The following ANKRD30BL variants were observed in gnomAD, a reference collection of about 807,000 sequenced individuals.
The protein encoded by ANKRD30BL is putative ankyrin repeat domain-containing protein 30B-like.
ANKRD30BL carries 20 observed loss-of-function variants against 18.4 expected under a neutral mutation model. That is an observed-to-expected ratio of 1.09 (90% confidence interval 0.77 to 1.58). The LOEUF (loss-of-function observed/expected upper bound fraction) is 1.58, where lower values mean the gene tolerates loss of function less well. Among genes scored for constraint, ANKRD30BL ranks in the 40% most tolerant of loss-of-function variants. The pLI is 0.00. For missense variants in ANKRD30BL, 224 were observed against 268.6 expected, an observed-to-expected ratio of 0.83 and a Z score of 1.16; for synonymous variants, 72 against 100.9, an observed-to-expected ratio of 0.71 and a Z score of 1.72.
intron 1 of ANKRD30BL, among the ~76,000 whole-genome samples, chr2:132,252,032 A>T (rs1231665254): frequency 6.6e-6 from 1 of 152,238 alleles, no homozygotes; most frequent in Non-Finnish European, 1.5e-5. Flanking sequence ...TTGTTCCAGG[A>T]ATGCATCATT....
At chr2:132,187,165 G>A (rs920515858) in intron 1 of ANKRD30BL, among the ~76,000 whole-genome samples, 14 of 122,316 alleles carry the variant, frequency 1.1e-4, no homozygotes, top group African/African-American at 4.6e-4. Context: ...ATCGTAGGAA[G>A]TTTTTTGTTT....
At chr2:132,232,268 T>C (rs1282146961) in intron 1 of ANKRD30BL, among the ~76,000 whole-genome samples, 2 of 152,102 alleles carry the variant, frequency 1.3e-5, no homozygotes, top group Non-Finnish European at 2.9e-5. Flanking sequence ...AACTCTAAAA[T>C]GCAGAACACG....
At chr2:132,247,542 A>G (rs1204413253) in intron 1 of ANKRD30BL, among the ~76,000 whole-genome samples, 1 of 151,804 alleles carries the variant, frequency 6.6e-6, no homozygotes, top group Non-Finnish European at 1.5e-5. Flanking sequence ...GAATGCACAC[A>G]TTACAAAGTT....
At chr2:132,232,058 C>T (rs1203007926) in intron 1 of ANKRD30BL, among the ~76,000 whole-genome samples, 1 of 152,198 alleles carries the variant, frequency 6.6e-6, no homozygotes, top group Non-Finnish European at 1.5e-5. Context: ...CTGGGAGGCA[C>T]TCCCCAGCAG....
chr2:132,161,398 C>G, intron 1 of ANKRD30BL, 90 bp downstream of exon 1: 1 of 1,254,616 alleles, frequency 8.0e-7, no homozygotes, highest in African/African-American at 1.5e-5. Context: ...CTCCCCTCGT[C>G]CCCAGGACCC....
At chr2:132,188,236 C>A (rs1286889072) in intron 1 of ANKRD30BL, among the ~76,000 whole-genome samples, 1 of 152,076 alleles carries the variant, frequency 6.6e-6, no homozygotes, top group Non-Finnish European at 1.5e-5. Flanking sequence ...GCACTCTATA[C>A]CATTGCCAAA....
At chr2:132,207,721 G>A (rs949941281) in intron 1 of ANKRD30BL, among the ~76,000 whole-genome samples, 1 of 152,100 alleles carries the variant, frequency 6.6e-6, no homozygotes, top group African/African-American at 2.4e-5. Context: ...CCAGTCATAG[G>A]CAAATCTCTA....
At chr2:132,256,537 T>G (rs991572785) in intron 1 of ANKRD30BL, among the ~76,000 whole-genome samples, 1 of 152,140 alleles carries the variant, frequency 6.6e-6, no homozygotes, top group Non-Finnish European at 1.5e-5. Context: ...GTGCCTGGGG[T>G]CTCACCGCCA....
In ANKRD30BL at chr2:132,151,669, G is replaced by T. The variant is rs543657691; in HGVS notation, c.615-693C>A. Reference sequence around the variant, plus strand: ...TCATAGGTTATAATATTCAAATATTGCAATTTTCTGTTATTAATTCCTACT... The same window carrying T: ...TCATAGGTTATAATATTCAAATATTTCAATTTTCTGTTATTAATTCCTACT... On this transcript the variant is annotated intron_variant, in intron 4 of 5. Transcript: ENST00000409867. 2.1e-3 allele frequency among the ~76,000 whole-genome samples: 313 copies of T among 151,154 alleles called. 1 individual carries two copies. The highest frequency in any genetic ancestry group is 7.2e-3 in the African/African-American group (298 of 41,270).
In ANKRD30BL at chr2:132,154,648, A is replaced by AG. The variant is rs1687850699; in HGVS notation, c.614+13_614+14insC. ...CACTACTCAAGTGTTTTTTAATAAAAAAAACTACTATACCATTTAAACTTA... is the reference window on the plus strand; with the variant it reads ...CACTACTCAAGTGTTTTTTAATAAAAGAAAACTACTATACCATTTAAACTTA... On this transcript the variant is annotated intron_variant, in intron 4 of 5. Transcript: ENST00000409867. 1 of 663,308 alleles carries AG rather than the reference A, an allele frequency of 1.5e-6. No individual in the cohort carries two copies. The highest frequency in any genetic ancestry group is 2.8e-6 in the Non-Finnish European group (1 of 362,958). The allele number at this position is 663,308 out of a possible 1,614,324, so 41.1% of individuals were successfully genotyped here.
upstream of ANKRD30BL, among the ~76,000 whole-genome samples, chr2:132,164,275 T>TC (rs1009878348): frequency 1.3e-4 from 12 of 91,224 alleles, no homozygotes; most frequent in African/African-American, 5.2e-4. Flanking sequence ...TTTTCTTTTT[T>TC]TTTTTTTTTT....
rs753143134 is a variant in ANKRD30BL, at chr2:132,148,231, G to A, written c.680-3C>T. On this transcript the variant is annotated splice_polypyrimidine_tract_variant and splice_region_variant and intron_variant, in intron 5 of 5. Transcript: ENST00000409867. ...AGGTGTTCCTTCAGATGTTCCTTCT[G>A]CCAAACACAGAGTCTGGTTAAATTT... 13 of 1,601,180 alleles carry A rather than the reference G, an allele frequency of 8.1e-6. No homozygotes were observed. Among genetic ancestry groups the A allele is most frequent in the Non-Finnish European group, 1.1e-5 (13 of 1,174,668 alleles).
chr2:132,154,939 A>T (rs1687861742), intron 3 of ANKRD30BL, 171 bp from the exon 4 acceptor site: 1 of 464,740 alleles, frequency 2.2e-6, no homozygotes, highest in Non-Finnish European at 3.9e-6. Context: ...TCTTGTAAAC[A>T]TTCAGCCTCT....
intron 1 of ANKRD30BL, among the ~76,000 whole-genome samples, chr2:132,238,488 G>C (rs879228544): frequency 1.3e-5 from 2 of 152,112 alleles, no homozygotes; most frequent in African/African-American, 4.8e-5. Flanking sequence ...AAACTTCTTT[G>C]TGATGCTTAC....
intron 1 of ANKRD30BL, among the ~76,000 whole-genome samples, chr2:132,241,007 A>C (rs112857667): frequency 6.6e-6 from 1 of 151,332 alleles, no homozygotes; most frequent in African/African-American, 2.4e-5. Flanking sequence ...GAATATCTTC[A>C]CATAAAAACT....
chr2:132,176,265 C>T (rs1688365824), intron 1 of ANKRD30BL, among the ~76,000 whole-genome samples: 1 of 151,654 alleles, frequency 6.6e-6, no homozygotes, highest in African/African-American at 2.4e-5. Context: ...CACGGTGGTT[C>T]ACGCCTATAA....
At chr2:132,194,192 T>TCAA (rs1678918554) in intron 1 of ANKRD30BL, among the ~76,000 whole-genome samples, 1 of 152,128 alleles carries the variant, frequency 6.6e-6, no homozygotes, top group Non-Finnish European at 1.5e-5. Context: ...GGGCTAGAGT[T>TCAA]GGTCTCATTA....
At chr2:132,159,631 G>T (rs1333595960) in intron 1 of ANKRD30BL, among the ~76,000 whole-genome samples, 2 of 152,084 alleles carry the variant, frequency 1.3e-5, no homozygotes, top group Non-Finnish European at 2.9e-5. Context: ...TGATTTAAGT[G>T]AATTATCTAT....
At chr2:132,149,179 C>A (rs1687692109) in intron 5 of ANKRD30BL, among the ~76,000 whole-genome samples, 1 of 152,186 alleles carries the variant, frequency 6.6e-6, no homozygotes, top group African/African-American at 2.4e-5. Context: ...TATTGTGTCA[C>A]ATTTAGGTAT....
Sources: allele counts gnomAD v4.1 joint callset (sites outside exome capture counted in the v4.1 genomes callset), GRCh38; gene constraint gnomAD v4.1.1; transcripts MANE v1.5; gene names NCBI Gene and HGNC (gene_info 2026-07-23, HGNC 2026-07-21).